EBF1: variants seen among roughly 807,000 people sequenced by gnomAD.
EBF1 encodes EBF transcription factor 1.
In EBF1, 10 loss-of-function variants were observed where a neutral mutation model predicts 68.4. The ratio of observed to expected loss-of-function variants is 0.15; its 90% CI spans 0.09 to 0.25. The LOEUF is 0.25. EBF1 is among the 10% of genes least tolerant of loss of function. EBF1 has a pLI of 1.00. For missense variants in EBF1, 509 were observed against 794.4 expected (o/e 0.64, Z 4.32); for synonymous variants, 298 against 299.8 (o/e 0.99, Z 0.06).
chr5:158,854,981 G>A (rs550158842), intron 6 of EBF1, among the ~76,000 whole-genome samples: 20 of 152,064 alleles, frequency 1.3e-4, no homozygotes, highest in African/African-American at 3.6e-4. Flanking sequence ...GTACTGAGGC[G>A]AGGGGAATCA....
At chr5:158,803,883 C>T (rs575910855) in intron 8 of EBF1, among the ~76,000 whole-genome samples, 21 of 150,116 alleles carry the variant, frequency 1.4e-4, no homozygotes, top group Admixed American at 5.3e-4. Context: ...GTCCTGTCCA[C>T]TAGCATATCT....
chr5:158,853,695 A>G (rs1013271542), intron 6 of EBF1, among the ~76,000 whole-genome samples: 8 of 152,188 alleles, frequency 5.3e-5, no homozygotes, highest in African/African-American at 1.9e-4. Context: ...AGAATATTCA[A>G]TAGAGTGCTG....
chr5:158,836,841 G>A (rs1017167034), intron 7 of EBF1, among the ~76,000 whole-genome samples: 7 of 152,140 alleles, frequency 4.6e-5, no homozygotes, highest in Non-Finnish European at 1.0e-4. Flanking sequence ...AGGAAGACAC[G>A]GCTCATCCTT....
At chr5:159,017,573 GA>G in intron 6 of EBF1, among the ~76,000 whole-genome samples, 2 of 152,308 alleles carry the variant, frequency 1.3e-5, no homozygotes, top group African/African-American at 4.8e-5. Context: ...ACCTTGTGGA[GA>G]TAACATCAAA....
At chr5:158,744,796 CACCGGAAACA>C (rs1198856025) in intron 10 of EBF1, among the ~76,000 whole-genome samples, 1 of 152,222 alleles carries the variant, frequency 6.6e-6, no homozygotes, top group East Asian at 1.9e-4. Flanking sequence ...CTGTCACATT[CACCGGAAACA>C]ACTATGATGA....
chr5:158,887,526 C>T (rs1472585829), intron 6 of EBF1, among the ~76,000 whole-genome samples: 3 of 152,140 alleles, frequency 2.0e-5, no homozygotes, highest in Admixed American at 1.3e-4. Flanking sequence ...TTCTCAGAAG[C>T]AGTTTTAACT....
rs564607364 is a variant in EBF1, at chr5:158,828,451, A to G, written c.637-5134T>C. Among the ~76,000 whole-genome samples the G allele has an allele frequency of 4.6e-5, 7 of 152,318 alleles. No homozygotes were observed. In the South Asian group the frequency reaches 1.0e-3, roughly 23 times the overall value. ...CACAGAGAAGGTGAGTATGATTACT[A>G]AAAAAGGACAAGATGAGGGATCCTT... On this transcript the variant is annotated intron_variant, in intron 7 of 15. Transcript: ENST00000313708.
At chr5:158,806,321 C>T (rs938614861) in intron 8 of EBF1, among the ~76,000 whole-genome samples, 7 of 152,106 alleles carry the variant, frequency 4.6e-5, no homozygotes, top group Non-Finnish European at 8.8e-5. Context: ...TAGAATCCTA[C>T]TTGTGAGCTG....
At chr5:158,769,169 G>A (rs888513832) in intron 10 of EBF1, among the ~76,000 whole-genome samples, 6 of 152,100 alleles carry the variant, frequency 3.9e-5, no homozygotes, top group Admixed American at 6.5e-5. Flanking sequence ...CCTACTGTAC[G>A]GTTTCATTGG....
intron 6 of EBF1, among the ~76,000 whole-genome samples, chr5:158,958,428 G>T (rs750614086): frequency 6.6e-6 from 1 of 152,072 alleles, no homozygotes; most frequent in Non-Finnish European, 1.5e-5. Flanking sequence ...GCCTTAGAGT[G>T]AGGTTCCGAT....
intron 6 of EBF1, among the ~76,000 whole-genome samples, chr5:159,018,075 C>T (rs544050109): frequency 2.6e-5 from 4 of 151,960 alleles, no homozygotes; most frequent in Non-Finnish European, 4.4e-5. Context: ...GCTAACCCCA[C>T]CCCCTCTTCT....
intron 8 of EBF1, among the ~76,000 whole-genome samples, chr5:158,810,801 G>A (rs1304383764): frequency 5.9e-5 from 9 of 152,096 alleles, no homozygotes; most frequent in African/African-American, 2.2e-4. Flanking sequence ...GCACCCTGTG[G>A]GCTCAAGAGT....
At chr5:158,755,544 T>G (rs1307330048) in intron 10 of EBF1, among the ~76,000 whole-genome samples, 1 of 152,182 alleles carries the variant, frequency 6.6e-6, no homozygotes, top group Non-Finnish European at 1.5e-5. Flanking sequence ...CGAATAGACT[T>G]CTACTTTAGG....
At chr5:158,702,961 T>C (rs1757086591) in intron 15 of EBF1, among the ~76,000 whole-genome samples, 2 of 152,164 alleles carry the variant, frequency 1.3e-5, no homozygotes, top group Admixed American at 6.5e-5. Context: ...ATATGGATAC[T>C]ACTTTTGTGA....
intron 6 of EBF1, among the ~76,000 whole-genome samples, chr5:158,861,731 T>C (rs1050894278): frequency 6.6e-6 from 1 of 152,224 alleles, no homozygotes; most frequent in Non-Finnish European, 1.5e-5. Flanking sequence ...TGCATCACCT[T>C]GCCTTTTCTT....
At chr5:158,831,757 C>T (rs1025379054) in intron 7 of EBF1, among the ~76,000 whole-genome samples, 3 of 152,202 alleles carry the variant, frequency 2.0e-5, no homozygotes, top group Non-Finnish European at 4.4e-5. Flanking sequence ...CTGCCTCGTA[C>T]TCCCAAAGTG....
chr5:159,082,410 C>T (rs1368588003), intron 5 of EBF1, among the ~76,000 whole-genome samples: 1 of 152,220 alleles, frequency 6.6e-6, no homozygotes, highest in Admixed American at 6.5e-5. Context: ...GGAGAGCAAG[C>T]TGTCTTTCAC....
intron 6 of EBF1, among the ~76,000 whole-genome samples, chr5:159,010,718 A>T (rs1335594927): frequency 6.6e-6 from 1 of 152,238 alleles, no homozygotes; most frequent in Non-Finnish European, 1.5e-5. Context: ...TCTCAATGTC[A>T]GCTCCACAGG....
intron 8 of EBF1, among the ~76,000 whole-genome samples, chr5:158,802,852 A>G (rs575839453): frequency 6.6e-6 from 1 of 152,292 alleles, no homozygotes; most frequent in Admixed American, 6.5e-5. Context: ...AGTTGCTGCT[A>G]TAATAATTAC....
Sources: gnomAD v4.1 joint callset for allele counts (sites outside exome capture counted in the v4.1 genomes callset) on GRCh38, gnomAD v4.1.1 for gene constraint, MANE v1.5 for transcripts, NCBI Gene and HGNC (gene_info 2026-07-23, HGNC 2026-07-21) for gene names.